Variants in DISC1 observed in about 807,000 individuals in gnomAD.
DISC1 encodes the protein DISC1 scaffold protein.
DISC1 carries 57 observed loss-of-function variants against 84.5 expected under a neutral mutation model. That is an observed-to-expected ratio of 0.67 (90% CI 0.55 to 0.84). The LOEUF (loss-of-function observed/expected upper bound fraction) is 0.84, where lower values mean the gene tolerates loss of function less well. DISC1 is among the 40% of genes least tolerant of loss of function. DISC1 has a pLI of 0.00. For synonymous variants in DISC1, 411 were observed against 415.2 expected (o/e 0.99, Z 0.12); for missense variants, 1,000 against 1,057.8 (o/e 0.95, Z 0.76).
At chr1:231,722,174 C>T (rs866489666) in intron 3 of DISC1, among the ~76,000 whole-genome samples, 177 of 148,444 alleles carry the variant, frequency 1.2e-3, no homozygotes, top group African/African-American at 4.2e-3. Context: ...AAAAAAAGCA[C>T]TGCCTTAAGG....
chr1:231,950,914 A>C (rs1451411751), intron 9 of DISC1, among the ~76,000 whole-genome samples: 2 of 152,202 alleles, frequency 1.3e-5, no homozygotes, highest in African/African-American at 4.8e-5. Flanking sequence ...CAAGACAGAC[A>C]GGTCTTTGAG....
intron 10 of DISC1, among the ~76,000 whole-genome samples, chr1:231,986,939 G>A (rs1664529065): frequency 6.6e-6 from 1 of 152,168 alleles, no homozygotes; most frequent in Admixed American, 6.5e-5. Flanking sequence ...TCTAAGGTCT[G>A]TCTCCTTTTC....
At chr1:231,971,404 G>A (rs181979114) in intron 10 of DISC1, among the ~76,000 whole-genome samples, 4 of 152,348 alleles carry the variant, frequency 2.6e-5, no homozygotes, top group Admixed American at 2.0e-4. Flanking sequence ...CAGATGCTCA[G>A]TTCTAGCATG....
In DISC1 at chr1:232,039,750, T is replaced by C. The variant is rs756718951; in HGVS notation, c.*2919T>C. The C allele has an allele frequency of 2.0e-5, 3 of 152,022 alleles. No individual in the cohort carries two copies. The highest frequency in any genetic ancestry group is 6.6e-5 in the Admixed American group (1 of 15,258). The allele number at this position is 152,022 out of a possible 1,614,324, so 9.4% of individuals were successfully genotyped here. ...AGGTTAGGGCTTAGATTTAAAAGCATCAAAACAACAACAATGGAAATTTAT... is the reference window on the plus strand; with the variant it reads ...AGGTTAGGGCTTAGATTTAAAAGCACCAAAACAACAACAATGGAAATTTAT... On this transcript the variant is annotated 3_prime_UTR_variant, in exon 13 of 13. Coordinates refer to ENST00000439617, the MANE Select transcript of DISC1 (RefSeq NM_018662.3).
intron 9 of DISC1, among the ~76,000 whole-genome samples, chr1:231,958,404 C>G (rs1037890237): frequency 8.5e-5 from 13 of 152,224 alleles, no homozygotes; most frequent in African/African-American, 3.1e-4. Context: ...CAATCCTCCT[C>G]TACCCCTAGT....
intron 9 of DISC1, chr1:231,855,280 A>G (rs550070125): frequency 2.1e-6 from 2 of 948,488 alleles, no homozygotes; most frequent in Non-Finnish European, 2.5e-6. Context: ...AACTTTCTAT[A>G]TAACATATGT....
intron 9 of DISC1, among the ~76,000 whole-genome samples, chr1:231,894,592 G>A (rs2087531451): frequency 6.6e-6 from 1 of 151,692 alleles, no homozygotes; most frequent in Non-Finnish European, 1.5e-5. Context: ...AATTTAAAAA[G>A]TTTTGTTCTG....
intron 8 of DISC1, among the ~76,000 whole-genome samples, chr1:231,807,193 C>T (rs756817238): frequency 2.6e-5 from 4 of 152,222 alleles, no homozygotes; most frequent in South Asian, 2.1e-4. Context: ...CTACCTCTAT[C>T]GGTGCTCGTT....
intron 1 of DISC1, among the ~76,000 whole-genome samples, chr1:231,690,880 G>A (rs201876437): frequency 6.6e-6 from 1 of 152,184 alleles, no homozygotes; most frequent in Non-Finnish European, 1.5e-5. Context: ...GGGAAGGCCA[G>A]TGGCCAGGGG....
intron 7 of DISC1, among the ~76,000 whole-genome samples, chr1:231,795,608 G>T (rs767631011): frequency 6.6e-6 from 1 of 152,222 alleles, no homozygotes; most frequent in Non-Finnish European, 1.5e-5. Flanking sequence ...TGCATTCGGG[G>T]CTTGGTGCGG....
At chr1:231,748,313 C>T (rs1248367731) in intron 3 of DISC1, among the ~76,000 whole-genome samples, 2 of 152,264 alleles carry the variant, frequency 1.3e-5, no homozygotes, top group Admixed American at 1.3e-4. Context: ...TTGTGCTGTT[C>T]CATTTATTAG....
At chr1:232,020,258 C>T (rs912361412) in intron 11 of DISC1, among the ~76,000 whole-genome samples, 5 of 152,132 alleles carry the variant, frequency 3.3e-5, no homozygotes, top group Admixed American at 3.3e-4. Flanking sequence ...AGGAGAATCA[C>T]TTGAACCCAG....
At chr1:231,797,507 G>A (rs2078851847) in intron 7 of DISC1, among the ~76,000 whole-genome samples, 1 of 152,144 alleles carries the variant, frequency 6.6e-6, no homozygotes. Context: ...GCTGCAGACG[G>A]TTGACTTCTT....
At chr1:231,982,274 T>C (rs1265191517) in intron 10 of DISC1, among the ~76,000 whole-genome samples, 1 of 152,144 alleles carries the variant, frequency 6.6e-6, no homozygotes, top group Non-Finnish European at 1.5e-5. Context: ...GCATTAGGGT[T>C]GGGAACTAGA....
intron 6 of DISC1, among the ~76,000 whole-genome samples, chr1:231,790,507 CTTCTT>C (rs761216137): frequency 5.9e-5 from 9 of 151,918 alleles, no homozygotes; most frequent in South Asian, 2.1e-4. Flanking sequence ...CTCCGCATCT[CTTCTT>C]TTCTTTTCTT....
intron 11 of DISC1, among the ~76,000 whole-genome samples, chr1:232,014,229 TC>T (rs1668279863): frequency 6.6e-6 from 1 of 152,176 alleles, no homozygotes. Flanking sequence ...TCTGATTCTT[TC>T]TCTTCTCTGA....
rs769961798 is a variant in DISC1, at chr1:231,800,103, C to A, written c.1690-5C>A. Reference sequence around the variant, plus strand: ...GATGATTCCTGGTCATTTCTCTCCCCCTAGGTGTGTATGAGTGAGAAATTC... The same window carrying A: ...GATGATTCCTGGTCATTTCTCTCCCACTAGGTGTGTATGAGTGAGAAATTC... On this transcript the variant is annotated splice_polypyrimidine_tract_variant and splice_region_variant and intron_variant, in intron 7 of 12. Coordinates refer to ENST00000439617, the MANE Select transcript of DISC1 (RefSeq NM_018662.3). 2 of 1,604,266 alleles carry A rather than the reference C, an allele frequency of 1.2e-6. No individual in the cohort carries two copies. Among genetic ancestry groups the A allele is most frequent in the Non-Finnish European group, 1.7e-6 (2 of 1,173,620 alleles).
chr1:231,840,336 C>T (rs1329636765), intron 9 of DISC1, among the ~76,000 whole-genome samples: 1 of 152,168 alleles, frequency 6.6e-6, no homozygotes. Context: ...AAATTTATAT[C>T]CCACAAAACT....
chr1:231,921,156 T>C (rs1047012813), intron 9 of DISC1, among the ~76,000 whole-genome samples: 3 of 152,002 alleles, frequency 2.0e-5, no homozygotes, highest in African/African-American at 7.3e-5. Flanking sequence ...CCTCGTGATC[T>C]GCCCGCCTCG....
Sources: gnomAD v4.1 joint callset for allele counts (sites outside exome capture counted in the v4.1 genomes callset) on GRCh38, gnomAD v4.1.1 for gene constraint, MANE v1.5 for transcripts, NCBI Gene and HGNC (gene_info 2026-07-23, HGNC 2026-07-21) for gene names.